CTIF: variants seen among roughly 807,000 people sequenced by gnomAD.
CTIF encodes CBP80/20-dependent translation initiation factor.
Under a neutral mutation model 66.0 loss-of-function variants are expected in CTIF, and 21 were observed. The ratio of observed to expected loss-of-function variants is 0.32; its 90% confidence interval spans 0.23 to 0.46. CTIF has a LOEUF of 0.46. CTIF is among the 20% of genes least tolerant of loss of function. The pLI is 1.00. For missense variants in CTIF, 739 were observed against 812.7 expected (o/e 0.91, Z 1.10); for synonymous variants, 345 against 326.4 (o/e 1.06, Z -0.62).
intron 3 of CTIF, among the ~76,000 whole-genome samples, chr18:48,642,553 G>C (rs550396839): frequency 6.6e-6 from 1 of 152,322 alleles, no homozygotes; most frequent in East Asian, 1.9e-4. Context: ...GCTGAGAATG[G>C]TGAATGCAGA....
chr18:48,554,186 A>G (rs2088961048), intron 1 of CTIF, among the ~76,000 whole-genome samples: 1 of 152,120 alleles, frequency 6.6e-6, no homozygotes, highest in South Asian at 2.1e-4. Flanking sequence ...CATTGTTGTG[A>G]GGTGCCTAGG....
chr18:48,634,766 G>C (rs1279655106), intron 2 of CTIF, among the ~76,000 whole-genome samples: 1 of 152,216 alleles, frequency 6.6e-6, no homozygotes, highest in Non-Finnish European at 1.5e-5. Flanking sequence ...GAGTGCCTCT[G>C]ACACCGTTGC....
At chr18:48,656,990 C>T (rs940782522) in intron 3 of CTIF, among the ~76,000 whole-genome samples, 3 of 152,200 alleles carry the variant, frequency 2.0e-5, no homozygotes, top group East Asian at 1.9e-4. Context: ...TAATGAATGA[C>T]TCTGGGTCCC....
chr18:48,660,510 G>A (rs1057446365), intron 3 of CTIF, among the ~76,000 whole-genome samples: 4 of 152,216 alleles, frequency 2.6e-5, no homozygotes, highest in Non-Finnish European at 5.9e-5. Context: ...TCAGCTGGGA[G>A]CACATTTCCC....
intron 10 of CTIF, among the ~76,000 whole-genome samples, chr18:48,854,577 TC>T (rs1259623641): frequency 6.6e-6 from 1 of 152,098 alleles, no homozygotes; most frequent in East Asian, 1.9e-4. Context: ...CCTGGCCAGG[TC>T]CCTCAATGTC....
In CTIF at chr18:48,652,018, A is replaced by G. The variant is rs528328525; in HGVS notation, c.253-11734A>G. Among the ~76,000 whole-genome samples the G allele has an allele frequency of 5.2e-5, 8 of 152,386 alleles. No individual in the cohort carries two copies. In the East Asian group the frequency reaches 1.5e-3, roughly 29 times the overall value. On this transcript the variant is annotated intron_variant, in intron 3 of 11. Coordinates refer to ENST00000256413, the MANE Select transcript of CTIF (RefSeq NM_014772.3). ...AAATGCCCACAAGAGAAAGCAGGAAAGATCTAAAATTGACAAAGATCTAAA... is the reference window on the plus strand; with the variant it reads ...AAATGCCCACAAGAGAAAGCAGGAAGGATCTAAAATTGACAAAGATCTAAA...
chr18:48,593,498 C>A (rs147644345), intron 1 of CTIF, among the ~76,000 whole-genome samples: 5,026 of 151,482 alleles, frequency 0.033, 279 homozygotes, highest in African/African-American at 0.11. Flanking sequence ...CTCCTGCCTC[C>A]GCCTCCCCGA....
chr18:48,582,299 G>T (rs1046022151), intron 1 of CTIF, among the ~76,000 whole-genome samples: 1 of 152,098 alleles, frequency 6.6e-6, no homozygotes, highest in Non-Finnish European at 1.5e-5. Context: ...GGGCAGGGAG[G>T]TCATGGACCA....
At chr18:48,611,664 G>GT (rs1347830175) in intron 1 of CTIF, among the ~76,000 whole-genome samples, 1 of 152,240 alleles carries the variant, frequency 6.6e-6, no homozygotes, top group Non-Finnish European at 1.5e-5. Flanking sequence ...AATCTGCATT[G>GT]TAACAAGATG....
At chr18:48,707,401 C>T (rs1329762648) in intron 6 of CTIF, among the ~76,000 whole-genome samples, 2 of 152,198 alleles carry the variant, frequency 1.3e-5, no homozygotes, top group Admixed American at 1.3e-4. Context: ...TCATTGGGTG[C>T]CACTTGTCTT....
intron 7 of CTIF, among the ~76,000 whole-genome samples, chr18:48,718,112 T>C (rs1305552028): frequency 6.6e-6 from 1 of 152,190 alleles, no homozygotes; most frequent in Non-Finnish European, 1.5e-5. Context: ...AAAAAGGACA[T>C]AGATTTGGTC....
At chr18:48,853,800 A>G (rs964273479) in intron 10 of CTIF, among the ~76,000 whole-genome samples, 4 of 152,136 alleles carry the variant, frequency 2.6e-5, no homozygotes, top group African/African-American at 4.8e-5. Flanking sequence ...GGCTGGGTGG[A>G]TGGATGCAAC....
chr18:48,855,989 C>G (rs79209111), intron 10 of CTIF, among the ~76,000 whole-genome samples: 1 of 152,128 alleles, frequency 6.6e-6, no homozygotes, highest in African/African-American at 2.4e-5. Context: ...CCCTGAGAGT[C>G]GTGATGATCG....
At chr18:48,580,807 T>A (rs114524891) in intron 1 of CTIF, among the ~76,000 whole-genome samples, 3,136 of 152,248 alleles carry the variant, frequency 0.021, 110 homozygotes, top group African/African-American at 0.067. Context: ...TGGTTTCCAC[T>A]CCCACCTCAA....
chr18:48,635,937 C>T (rs2090813794), intron 2 of CTIF, among the ~76,000 whole-genome samples: 1 of 152,212 alleles, frequency 6.6e-6, no homozygotes, highest in Admixed American at 6.5e-5. Flanking sequence ...CCTTGGGGAG[C>T]TCGTCAAAAT....
chr18:48,688,257 A>C (rs16949772), intron 6 of CTIF: 18,620 of 152,266 alleles, frequency 0.12, 2,175 homozygotes, highest in African/African-American at 0.31. Context: ...TATTACCTGG[A>C]AGTGCTCCTT....
intron 7 of CTIF, among the ~76,000 whole-genome samples, chr18:48,730,526 G>A (rs111721380): frequency 1.6e-5 from 1 of 64,346 alleles, no homozygotes; most frequent in African/African-American, 6.6e-5. Flanking sequence ...CGGTGTGAGG[G>A]GCCCCTGTGG....
At chr18:48,825,993 C>A (rs554868639) in intron 10 of CTIF, 3 of 152,286 alleles carry the variant, frequency 2.0e-5, no homozygotes, top group Admixed American at 6.5e-5. Context: ...AGCCAAAAAC[C>A]CTTGGGTGAG....
intron 3 of CTIF, among the ~76,000 whole-genome samples, chr18:48,639,515 A>G (rs946999185): frequency 1.3e-5 from 2 of 152,232 alleles, no homozygotes; most frequent in Non-Finnish European, 2.9e-5. Flanking sequence ...ATGGATGGCC[A>G]AGGTTCAGAC....
Sources: allele counts gnomAD v4.1 joint callset (sites outside exome capture counted in the v4.1 genomes callset), GRCh38; gene constraint gnomAD v4.1.1; transcripts MANE v1.5; gene names NCBI Gene and HGNC (gene_info 2026-07-23, HGNC 2026-07-21).